Variants in KIAA1217 observed in about 807,000 individuals in gnomAD.
KIAA1217 encodes the protein KIAA1217.
Under a neutral mutation model 163.9 loss-of-function variants are expected in KIAA1217, and 88 were observed. The ratio of observed to expected loss-of-function variants is 0.54; its 90% CI spans 0.45 to 0.64. The LOEUF (loss-of-function observed/expected upper bound fraction) is 0.64. Ranked by LOEUF, KIAA1217 falls within the 30% of genes least tolerant of loss-of-function variation. The pLI is 0.00. For synonymous variants in KIAA1217, 903 were observed against 923.1 expected (o/e 0.98, Z 0.39); for missense variants, 2,372 against 2,475.0 (o/e 0.96, Z 0.88).
At chr10:23,834,899 A>G (rs1838375842) in intron 1 of KIAA1217, among the ~76,000 whole-genome samples, 1 of 152,152 alleles carries the variant, frequency 6.6e-6, no homozygotes, top group African/African-American at 2.4e-5. Flanking sequence ...GTATTCATAA[A>G]ATAAATTTGA....
intron 2 of KIAA1217, among the ~76,000 whole-genome samples, chr10:24,254,374 G>T (rs1054003982): frequency 6.6e-6 from 1 of 152,248 alleles, no homozygotes; most frequent in Non-Finnish European, 1.5e-5. Flanking sequence ...TAGCCTGTGA[G>T]TGCCAGAGCC....
intron 2 of KIAA1217, among the ~76,000 whole-genome samples, chr10:24,234,833 ATTC>A (rs759019544): frequency 3.3e-5 from 5 of 152,236 alleles, no homozygotes; most frequent in South Asian, 2.1e-4. Context: ...CTGTATGTCT[ATTC>A]TTCTTCTCTC....
At chr10:24,305,306 G>A (rs890700319) in intron 2 of KIAA1217, among the ~76,000 whole-genome samples, 1 of 152,168 alleles carries the variant, frequency 6.6e-6, no homozygotes, top group African/African-American at 2.4e-5. Context: ...AGCAAACCAA[G>A]AAGATGGTGG....
At chr10:24,162,999 G>A (rs758446664) in intron 2 of KIAA1217, among the ~76,000 whole-genome samples, 2 of 152,146 alleles carry the variant, frequency 1.3e-5, no homozygotes, top group Non-Finnish European at 2.9e-5. Context: ...AATCCATCTT[G>A]GAAATGACAT....
Position 24,520,225 on chromosome 10 carries a change from A to T in KIAA1217, c.2280A>T (p.Gln760His), listed in dbSNP as rs1395496943. 6.2e-7 allele frequency: 1 copy of T among 1,614,030 alleles called. No homozygotes were observed. The highest frequency in any genetic ancestry group is 8.5e-7 in the Non-Finnish European group (1 of 1,180,014). ...DVEDGAFLLRQVGEAVATLKG... is the reference protein window; with the variant it reads ...DVEDGAFLLRHVGEAVATLKG... ...AAGACGGGGCTTTCCTCCTGCGTCA[A>T]GTGGGAGAGGCTGTAGCTACCCTGA... Residue 760 changes from glutamine to histidine, a missense_variant, in exon 11 of 21, where the codon CAA becomes CAT. By Grantham distance (24) the Gln-to-His change is conservative. Around this residue, in one of 3 missense-constraint regions of KIAA1217, gnomAD observed 1,431 missense variants for 1,470.3 expected, o/e 0.97. Coordinates refer to ENST00000376454, the MANE Select transcript of KIAA1217 (RefSeq NM_019590.5).
At chr10:24,177,312 T>C (rs1445566489) in intron 2 of KIAA1217, among the ~76,000 whole-genome samples, 11 of 129,660 alleles carry the variant, frequency 8.5e-5, no homozygotes, top group Admixed American at 5.4e-4. Context: ...AATTTCTTTG[T>C]CATATATATC....
chr10:24,513,016 A>G (rs1323877733), intron 9 of KIAA1217, among the ~76,000 whole-genome samples: 1 of 152,230 alleles, frequency 6.6e-6, no homozygotes, highest in Non-Finnish European at 1.5e-5. Context: ...TGCATTGACC[A>G]GAGTAGAAAA....
At chr10:24,269,210 T>TA (rs59746609) in intron 2 of KIAA1217, among the ~76,000 whole-genome samples, 983 of 87,014 alleles carry the variant, frequency 0.011, 18 homozygotes, top group East Asian at 0.099. Flanking sequence ...AAAGTATAAT[T>TA]AAAAAAAAAA....
In KIAA1217 at chr10:24,508,689, T is replaced by A. The variant is rs144047298; in HGVS notation, c.2002-4570T>A. Among the ~76,000 whole-genome samples, 1,064 of 152,320 alleles carry A rather than the reference T, an allele frequency of 7.0e-3. 11 individuals are homozygous for A. The highest frequency in any genetic ancestry group is 0.024 in the African/African-American group (990 of 41,558). Reference sequence around the variant, plus strand: ...AATATTAAAATTTTGTTATATCCATTTGTACAATGAAATGCCACTTAGCAA... The same window carrying A: ...AATATTAAAATTTTGTTATATCCATATGTACAATGAAATGCCACTTAGCAA... On this transcript the variant is annotated intron_variant, in intron 9 of 20. Transcript: ENST00000376454.
At chr10:24,096,362 G>A (rs1008426217) in intron 2 of KIAA1217, among the ~76,000 whole-genome samples, 10 of 151,976 alleles carry the variant, frequency 6.6e-5, no homozygotes, top group African/African-American at 2.2e-4. Flanking sequence ...CACTACCCTG[G>A]TCCAGGGTGC....
chr10:24,348,831 C>A (rs1241155350), intron 2 of KIAA1217, among the ~76,000 whole-genome samples: 1 of 152,052 alleles, frequency 6.6e-6, no homozygotes, highest in Non-Finnish European at 1.5e-5. Flanking sequence ...TTACTACTCC[C>A]AAGGGTTGGC....
intron 2 of KIAA1217, among the ~76,000 whole-genome samples, chr10:24,024,199 G>T (rs554229155): frequency 6.6e-6 from 1 of 151,268 alleles, no homozygotes; most frequent in Non-Finnish European, 1.5e-5. Context: ...AATTTTATAG[G>T]TTTTGATAAA....
chr10:24,118,414 G>T (rs774434099), intron 2 of KIAA1217, among the ~76,000 whole-genome samples: 21 of 152,160 alleles, frequency 1.4e-4, no homozygotes, highest in Non-Finnish European at 2.5e-4. Flanking sequence ...AAAACCGAGC[G>T]CCTTAACAAG....
chr10:24,126,363 A>G (rs531288207), intron 2 of KIAA1217, among the ~76,000 whole-genome samples: 13 of 152,214 alleles, frequency 8.5e-5, no homozygotes, highest in Admixed American at 5.9e-4. Flanking sequence ...TATTGTTTTA[A>G]TACATATTTT....
At chr10:24,213,197 G>A (rs1048963711) in intron 1 of KIAA1217, among the ~76,000 whole-genome samples, 2 of 152,178 alleles carry the variant, frequency 1.3e-5, no homozygotes, top group Non-Finnish European at 2.9e-5. Context: ...TTGCGGAGTA[G>A]GCACTCAACA....
At chr10:24,411,763 T>C (rs995118300) in intron 3 of KIAA1217, among the ~76,000 whole-genome samples, 7 of 152,216 alleles carry the variant, frequency 4.6e-5, no homozygotes, top group African/African-American at 1.7e-4. Context: ...AGCTCCAACA[T>C]GACTTTTTTT....
intron 1 of KIAA1217, among the ~76,000 whole-genome samples, chr10:23,725,332 C>A (rs141596130): frequency 9.0e-4 from 137 of 152,318 alleles, no homozygotes; most frequent in Non-Finnish European, 1.4e-3. Context: ...ACTACAGAGA[C>A]AAGGCCACCA....
chr10:24,266,690 C>T (rs1253080555), intron 2 of KIAA1217, among the ~76,000 whole-genome samples: 3 of 152,052 alleles, frequency 2.0e-5, no homozygotes, highest in Non-Finnish European at 2.9e-5. Context: ...CTGTAAAACG[C>T]ACCAATCAGC....
chr10:24,061,380 A>G (rs575665564), intron 2 of KIAA1217, among the ~76,000 whole-genome samples: 1 of 152,306 alleles, frequency 6.6e-6, no homozygotes, highest in South Asian at 2.1e-4. Context: ...TAAATTTAAT[A>G]GTGTTGTATT....
Sources: gnomAD v4.1 joint callset for allele counts (sites outside exome capture counted in the v4.1 genomes callset) on GRCh38, gnomAD v4.1.1 for gene constraint, gnomAD v4.1.1 regional missense constraint, MANE v1.5 for transcripts, NCBI Gene and HGNC (gene_info 2026-07-23, HGNC 2026-07-21) for gene names.